UTRN: variants seen among roughly 807,000 people sequenced by gnomAD.
The protein encoded by UTRN is utrophin.
UTRN carries 283 observed loss-of-function variants against 463.9 expected under a neutral mutation model. That is an observed-to-expected ratio of 0.61 (90% CI 0.55 to 0.67). The LOEUF (loss-of-function observed/expected upper bound fraction) is 0.67. Ranked by LOEUF, UTRN falls within the 30% of genes least tolerant of loss-of-function variation. The pLI is 0.00. For synonymous variants in UTRN, 1,442 were observed against 1,431.5 expected (o/e 1.01, Z -0.17); for missense variants, 3,922 against 4,084.3 (o/e 0.96, Z 1.08).
At chr6:144,357,613 G>A (rs1185083571) in intron 2 of UTRN, among the ~76,000 whole-genome samples, 2 of 152,158 alleles carry the variant, frequency 1.3e-5, no homozygotes, top group Non-Finnish European at 2.9e-5. Context: ...CTACAAGAAC[G>A]GAATAGTCAG....
chr6:144,438,331 A>G (rs1430496080), intron 11 of UTRN, among the ~76,000 whole-genome samples: 1 of 152,244 alleles, frequency 6.6e-6, no homozygotes, highest in African/African-American at 2.4e-5. Flanking sequence ...GCTAAACATT[A>G]ACTTGGTGTG....
intron 32 of UTRN, among the ~76,000 whole-genome samples, chr6:144,492,770 CTTATAG>C (rs1220786278): frequency 3.3e-5 from 5 of 152,142 alleles, no homozygotes; most frequent in East Asian, 1.9e-4. Context: ...AATCTGTTTA[CTTATAG>C]TTATATACAT....
At chr6:144,628,477 G>C (rs768646393) in intron 51 of UTRN, among the ~76,000 whole-genome samples, 7 of 152,132 alleles carry the variant, frequency 4.6e-5, no homozygotes, top group Non-Finnish European at 8.8e-5. Flanking sequence ...TATCCCACAA[G>C]AATTCCACTG....
intron 50 of UTRN, among the ~76,000 whole-genome samples, chr6:144,561,522 C>A (rs1454403744): frequency 6.6e-6 from 1 of 151,870 alleles, no homozygotes; most frequent in Non-Finnish European, 1.5e-5. Context: ...TCACTAATTA[C>A]TCTGTGTTTT....
chr6:144,844,527 C>T (rs1781860705), intron 73 of UTRN, among the ~76,000 whole-genome samples: 2 of 152,218 alleles, frequency 1.3e-5, no homozygotes, highest in Admixed American at 1.3e-4. Flanking sequence ...CCCTGGCCTC[C>T]CAAACCGCTG....
chr6:144,683,932 T>A (rs1782468955), intron 52 of UTRN, among the ~76,000 whole-genome samples: 1 of 152,148 alleles, frequency 6.6e-6, no homozygotes, highest in Admixed American at 6.6e-5. Context: ...TTCAACAACA[T>A]CTCCTTAGAA....
At chr6:144,348,821 C>T (rs1777831981) in intron 2 of UTRN, among the ~76,000 whole-genome samples, 2 of 152,054 alleles carry the variant, frequency 1.3e-5, no homozygotes, top group Non-Finnish European at 2.9e-5. Flanking sequence ...GTAAACCCAG[C>T]TACTAGGGAG....
intron 51 of UTRN, among the ~76,000 whole-genome samples, chr6:144,654,913 C>T (rs1295739150): frequency 6.6e-6 from 1 of 152,128 alleles, no homozygotes; most frequent in Non-Finnish European, 1.5e-5. Context: ...AACCCCTACC[C>T]CACCCACCCA....
In UTRN at chr6:144,551,018, A is replaced by C. The variant is rs115760423; in HGVS notation, c.6864A>C (p.Thr2288=). ...ATCCTCAGCTGGATTATGTTTTTAC[A>C]TTGGCACAGAATTTGAAAAATAAAG... The part of the protein sequence containing the change: ...QRHPQLDYVF[T]LAQNLKNKAS... Residue 2288 remains threonine, a synonymous_variant, in exon 48 of 75, where the codon ACA becomes ACC. Transcript: ENST00000367545. 1.6e-3 allele frequency: 2,582 copies of C among 1,612,712 alleles called. 3 individuals are homozygous for C. The highest frequency in any genetic ancestry group is 2.1e-3 in the Non-Finnish European group (2,476 of 1,179,628).
intron 59 of UTRN, 57 bp from the exon 60 acceptor site, chr6:144,774,233 A>G (rs1775107105): frequency 2.1e-6 from 3 of 1,453,042 alleles, no homozygotes; most frequent in African/African-American, 1.4e-5. Flanking sequence ...CATTCTGGGC[A>G]TTCAATATAT....
At chr6:144,737,882 T>C in intron 54 of UTRN, among the ~76,000 whole-genome samples, 1 of 152,154 alleles carries the variant, frequency 6.6e-6, no homozygotes. Flanking sequence ...AGTATCACAG[T>C]ACAACAATCT....
At chr6:144,345,505 T>A (rs1478477198) in intron 2 of UTRN, among the ~76,000 whole-genome samples, 2 of 152,042 alleles carry the variant, frequency 1.3e-5, no homozygotes, top group Non-Finnish European at 2.9e-5. Context: ...GGAGATTCCA[T>A]CTCTACAAAA....
Position 144,432,496 on chromosome 6 carries a change from C to T in UTRN, c.855+2755C>T, listed in dbSNP as rs186719537. On this transcript the variant is annotated intron_variant, in intron 9 of 74. Coordinates refer to ENST00000367545, the MANE Select transcript of UTRN (RefSeq NM_007124.3). ...TTTCAGCAGGTACGTCTTATGATGG[C>T]ATTACATTTTTGAAAGATCATTCTG... Among the ~76,000 whole-genome samples the T allele has an allele frequency of 3.3e-5, 5 of 152,266 alleles. No individual in the cohort carries two copies. In the East Asian group the frequency reaches 9.6e-4, roughly 29 times the overall value.
At chr6:144,324,481 T>C (rs73589002) in intron 2 of UTRN, among the ~76,000 whole-genome samples, 7,490 of 152,278 alleles carry the variant, frequency 0.049, 546 homozygotes, top group East Asian at 0.2. Context: ...TAACTGACAG[T>C]TACAGCTGAT....
At chr6:144,362,433 A>G (rs894149334) in intron 2 of UTRN, among the ~76,000 whole-genome samples, 2 of 152,194 alleles carry the variant, frequency 1.3e-5, no homozygotes, top group African/African-American at 2.4e-5. Context: ...TTTTGAATGT[A>G]TTTTCTAAAT....
chr6:144,320,440 C>T (rs924284811), intron 2 of UTRN, among the ~76,000 whole-genome samples: 1 of 152,138 alleles, frequency 6.6e-6, no homozygotes, highest in Admixed American at 6.5e-5. Flanking sequence ...GATGAATGGA[C>T]TCTGACCCAC....
intron 60 of UTRN, among the ~76,000 whole-genome samples, chr6:144,776,597 G>A (rs1251026850): frequency 2.0e-5 from 3 of 152,122 alleles, no homozygotes; most frequent in African/African-American, 7.2e-5. Context: ...GATTCCTGCT[G>A]CCCTCAGAAT....
At chr6:144,418,380 ATT>A (rs369278118) in intron 3 of UTRN, among the ~76,000 whole-genome samples, 309 of 137,212 alleles carry the variant, frequency 2.3e-3, no homozygotes, top group East Asian at 0.018. Context: ...CGCCCGGCTA[ATT>A]TTTTTTTTTT....
chr6:144,701,558 G>T (rs550863519), intron 53 of UTRN, among the ~76,000 whole-genome samples: 1 of 152,124 alleles, frequency 6.6e-6, no homozygotes, highest in African/African-American at 2.4e-5. Context: ...ACTTTCCATT[G>T]ATTTCTTTAA....
Sources: allele counts gnomAD v4.1 joint callset (sites outside exome capture counted in the v4.1 genomes callset), GRCh38; gene constraint gnomAD v4.1.1; transcripts MANE v1.5; gene names NCBI Gene and HGNC (gene_info 2026-07-23, HGNC 2026-07-21).